The following PKNOX2 variants were observed in gnomAD, a reference collection of about 807,000 sequenced individuals.
PKNOX2 encodes the protein homeobox protein PKNOX2.
A neutral mutation model predicts 53.1 loss-of-function variants in PKNOX2; 14 were observed. The ratio of observed to expected loss-of-function variants is 0.26; its 90% CI spans 0.17 to 0.41. The LOEUF (loss-of-function observed/expected upper bound fraction) is 0.41, where lower values mean the gene tolerates loss of function less well. Among genes scored for constraint, PKNOX2 ranks in the 10% least tolerant of loss-of-function variants. The pLI is 1.00. For missense variants in PKNOX2, 496 were observed against 602.8 expected, an observed-to-expected ratio of 0.82 and a Z score of 1.85; for synonymous variants, 257 against 242.8, an observed-to-expected ratio of 1.06 and a Z score of -0.54.
In PKNOX2 at chr11:125,370,769, C is replaced by A. The variant is rs1243652905; in HGVS notation, c.227+2784C>A. 6.6e-6 allele frequency among the ~76,000 whole-genome samples: 1 copy of A among 152,214 alleles called. No individual in the cohort carries two copies. The highest frequency in any genetic ancestry group is 2.4e-5 in the African/African-American group (1 of 41,456). On this transcript the variant is annotated intron_variant, in intron 5 of 12. Coordinates refer to ENST00000298282, the MANE Select transcript of PKNOX2 (RefSeq NM_001382323.2). This position sits in a 1 kb window ranked among gnomAD's most constrained non-coding sequence, Gnocchi z 4.1. ...GAGGGAGCTCAGCCTCCTGTAGGGT[C>A]GGGTAATTTTAATTAGATTTGCCTG...
chr11:125,396,894 T>C (rs958923243), intron 6 of PKNOX2, among the ~76,000 whole-genome samples: 2 of 152,094 alleles, frequency 1.3e-5, no homozygotes, highest in African/African-American at 4.8e-5. Flanking sequence ...CTTAGAAAAA[T>C]AGATTTGCTA....
Position 125,431,516 on chromosome 11 carries a change from A to C in PKNOX2, c.*124A>C. The C allele has an allele frequency of 2.0e-5, 23 of 1,144,218 alleles. No homozygotes were observed. The highest frequency in any genetic ancestry group is 5.4e-5 in the East Asian group (2 of 37,266). The allele number at this position is 1,144,218 out of a possible 1,614,324, so 70.9% of individuals were successfully genotyped here. A position where few individuals can be genotyped will look rare whatever the true frequency, so the allele number is the denominator to read the frequency against. On this transcript the variant is annotated 3_prime_UTR_variant, in exon 13 of 13. Transcript: ENST00000298282. ...GGGAGTTGGGCCCTAGCTTCCCCAA[A>C]TCAGTAGCTTGAAGAAAGGCAAAGG...
At chr11:125,355,285 A>G (rs1951543378) in intron 4 of PKNOX2, among the ~76,000 whole-genome samples, 1 of 151,738 alleles carries the variant, frequency 6.6e-6, no homozygotes, top group African/African-American at 2.4e-5. Context: ...AAGAAAAAAA[A>G]AAAAAAAAGA....
chr11:125,265,699 C>T (rs935337873), intron 2 of PKNOX2, among the ~76,000 whole-genome samples: 1 of 152,184 alleles, frequency 6.6e-6, no homozygotes, highest in Non-Finnish European at 1.5e-5. Context: ...TCAGCCCCCA[C>T]CCCAATGGTC....
At chr11:125,371,106 G>A (rs1349154311) in intron 5 of PKNOX2, among the ~76,000 whole-genome samples, 3 of 152,182 alleles carry the variant, frequency 2.0e-5, no homozygotes, top group African/African-American at 4.8e-5. Context: ...TGTGGGGTGG[G>A]GGACGGAGGG....
chr11:125,322,937 T>C (rs1565496902), intron 2 of PKNOX2, among the ~76,000 whole-genome samples: 1 of 152,200 alleles, frequency 6.6e-6, no homozygotes, highest in Non-Finnish European at 1.5e-5. Flanking sequence ...GGACATGCTT[T>C]GGGTTGTATA....
chr11:125,387,431 A>G (rs1457948528), intron 6 of PKNOX2, among the ~76,000 whole-genome samples: 1 of 152,112 alleles, frequency 6.6e-6, no homozygotes, highest in Non-Finnish European at 1.5e-5. Context: ...CCTGCCCACC[A>G]CCACCTGCCA....
intron 2 of PKNOX2, among the ~76,000 whole-genome samples, chr11:125,292,751 A>G (rs1484989950): frequency 6.6e-6 from 1 of 152,168 alleles, no homozygotes; most frequent in Admixed American, 6.5e-5. Context: ...TCCTAGAGAG[A>G]AGGCTGAGGT....
chr11:125,392,894 C>A (rs187143036), intron 6 of PKNOX2, among the ~76,000 whole-genome samples: 1 of 152,016 alleles, frequency 6.6e-6, no homozygotes, highest in Admixed American at 6.5e-5. Context: ...CGCGGTGGCT[C>A]ACGCCTGTAA....
At chr11:125,219,865 A>G (rs1940943437) in intron 1 of PKNOX2, among the ~76,000 whole-genome samples, 5 of 152,242 alleles carry the variant, frequency 3.3e-5, no homozygotes, top group Admixed American at 3.3e-4. Flanking sequence ...GATAAATCAT[A>G]TGCCTTTGAC....
At chr11:125,262,801 TCTC>T (rs1009582759) in intron 2 of PKNOX2, among the ~76,000 whole-genome samples, 2 of 152,032 alleles carry the variant, frequency 1.3e-5, no homozygotes, top group Non-Finnish European at 2.9e-5. Context: ...TTTCTCTGCT[TCTC>T]CTTACTTCTC....
At chr11:125,178,672 AAG>A (rs1222263089) in intron 1 of PKNOX2, among the ~76,000 whole-genome samples, 2 of 114,892 alleles carry the variant, frequency 1.7e-5, no homozygotes, top group African/African-American at 9.6e-5. Flanking sequence ...GAAGGAAGGA[AAG>A]AAAGAGAGAG....
At chr11:125,244,984 A>C (rs1943447767) in intron 2 of PKNOX2, among the ~76,000 whole-genome samples, 1 of 151,528 alleles carries the variant, frequency 6.6e-6, no homozygotes, top group South Asian at 2.1e-4. Context: ...TAATGCCGCC[A>C]CTCCCCACCT....
chr11:125,170,058 G>GGT lies in PKNOX2; in HGVS notation c.-201+5292_-201+5293dup, dbSNP rs958888786. ...GGAAGGCAAGGCCTGAGCCCTGACT[G>GGT]GTGTGTGTGTGACATCTGGTCGGCT... On this transcript the variant is annotated intron_variant, in intron 1 of 12. Coordinates refer to ENST00000298282, the MANE Select transcript of PKNOX2 (RefSeq NM_001382323.2). 3.3e-5 allele frequency among the ~76,000 whole-genome samples: 5 copies of GGT among 152,250 alleles called. No individual in the cohort carries two copies. The East Asian group carries it at 5.8e-4, about 18-fold the overall frequency.
intron 2 of PKNOX2, among the ~76,000 whole-genome samples, chr11:125,241,066 G>C (rs1943106757): frequency 6.6e-6 from 1 of 152,178 alleles, no homozygotes; most frequent in African/African-American, 2.4e-5. Context: ...ACCACCTCCA[G>C]TGGTTCTTTG....
At chr11:125,384,085 A>G (rs1953447711) in intron 5 of PKNOX2, among the ~76,000 whole-genome samples, 2 of 152,200 alleles carry the variant, frequency 1.3e-5, no homozygotes, top group Non-Finnish European at 2.9e-5. Context: ...TCAACAACCC[A>G]TGCACTCGCA....
chr11:125,419,182 C>T (rs558902867), intron 10 of PKNOX2, among the ~76,000 whole-genome samples: 4 of 152,038 alleles, frequency 2.6e-5, no homozygotes, highest in Non-Finnish European at 5.9e-5. Flanking sequence ...CCTAGCTTGG[C>T]GAGCTTGGGT....
intron 1 of PKNOX2, among the ~76,000 whole-genome samples, chr11:125,216,493 C>T (rs1022628292): frequency 1.3e-5 from 2 of 152,186 alleles, no homozygotes; most frequent in African/African-American, 2.4e-5. Flanking sequence ...GGGGAGGCAC[C>T]GAGGCTGAGA....
chr11:125,319,669 A>G (rs896467516), intron 2 of PKNOX2, among the ~76,000 whole-genome samples: 12 of 152,244 alleles, frequency 7.9e-5, no homozygotes, highest in Admixed American at 7.2e-4. Flanking sequence ...ACATTAATTA[A>G]ATTCTCAAAC....
Sources: allele counts gnomAD v4.1 joint callset (sites outside exome capture counted in the v4.1 genomes callset), GRCh38; gene constraint gnomAD v4.1.1; non-coding constraint Gnocchi (gnomAD v3.1); transcripts MANE v1.5; gene names NCBI Gene and HGNC (gene_info 2026-07-23, HGNC 2026-07-21).